PTDSS1: variants seen among roughly 807,000 people sequenced by gnomAD.
PTDSS1 encodes the protein PSS-1.
PTDSS1 carries 45 observed loss-of-function variants against 70.5 expected under a neutral mutation model. That is an observed-to-expected ratio of 0.64 (90% CI 0.50 to 0.82). PTDSS1 has a LOEUF of 0.82. PTDSS1 is among the 40% of genes least tolerant of loss of function. The pLI is 0.00. For synonymous variants in PTDSS1, 188 were observed against 203.8 expected (o/e 0.92, Z 0.66); for missense variants, 417 against 586.1 (o/e 0.71, Z 2.98).
chr8:96,309,586 A>C lies in PTDSS1; in HGVS notation c.1037A>C (p.Gln346Pro). Residue 346 changes from glutamine to proline, a missense_variant, in exon 9 of 13, where the codon CAG becomes CCG. Around this residue, in one of 3 missense-constraint regions of PTDSS1, gnomAD observed 272 missense variants for 429.5 expected, o/e 0.63. Transcript: ENST00000517309. ...RQYYAYLTDTQCKRVGTQCWV... is the reference protein window; with the variant it reads ...RQYYAYLTDTPCKRVGTQCWV... Reference sequence around the variant, plus strand: ...TACTACGCTTACCTCACCGACACACAGTGCAAGCGCGTAGGAACACAATGC... The same window carrying C: ...TACTACGCTTACCTCACCGACACACCGTGCAAGCGCGTAGGAACACAATGC... 1 of 1,614,002 alleles carries C rather than the reference A, an allele frequency of 6.2e-7. No individual in the cohort carries two copies. The highest frequency in any genetic ancestry group is 1.1e-5 in the South Asian group (1 of 91,066).
intron 3 of PTDSS1, 68 bp downstream of exon 3, chr8:96,284,221 A>C: frequency 7.0e-7 from 1 of 1,424,312 alleles, no homozygotes; most frequent in Non-Finnish European, 9.8e-7. Context: ...TATCACTTTA[A>C]GACTTTTACT....
intron 12 of PTDSS1, among the ~76,000 whole-genome samples, chr8:96,331,740 T>C (rs1811519121): frequency 6.6e-6 from 1 of 151,930 alleles, no homozygotes; most frequent in African/African-American, 2.4e-5. Context: ...TTGGCTTCCA[T>C]CATGAGTGAA....
chr8:96,289,029 G>A (rs1353209210), intron 4 of PTDSS1, among the ~76,000 whole-genome samples: 2 of 151,772 alleles, frequency 1.3e-5, no homozygotes, highest in Non-Finnish European at 2.9e-5. Flanking sequence ...CCACCTCCCT[G>A]GTTCAAGCAA....
Position 96,262,156 on chromosome 8 carries a change from G to A in PTDSS1, c.116G>A (p.Arg39Gln), listed in dbSNP as rs748448029. ...GACATCACCATTGACTTCTTCTACC[G>A]GCCGCATACCATCACCCTGCTCAGC... The part of the protein sequence containing the change: ...VEDITIDFFY[R>Q]PHTITLLSFT... The change falls in exon 1 of 13, where the codon CGG (arginine) becomes CAG (glutamine). Residue 39 changes from arginine to glutamine, a missense_variant. Physicochemically the swap from Arg to Gln is conservative, Grantham distance 43. This residue lies in a region of PTDSS1 where 272 missense variants were observed against 429.5 expected (regional missense o/e 0.63). Coordinates refer to ENST00000517309, the MANE Select transcript of PTDSS1 (RefSeq NM_014754.3). This position sits in a 1 kb window ranked among gnomAD's most constrained non-coding sequence, Gnocchi z 4.4. 1 of 1,613,906 alleles carries A rather than the reference G, an allele frequency of 6.2e-7. No homozygotes were observed. Among genetic ancestry groups the A allele is most frequent in the Non-Finnish European group, 8.5e-7 (1 of 1,179,826 alleles).
chr8:96,295,226 G>T lies in PTDSS1; in HGVS notation c.570G>T (p.Trp190Cys), dbSNP rs1434010070. Reference protein sequence around the residue: ...ALLIRSYGLCWTISITWELTE... With the variant: ...ALLIRSYGLCCTISITWELTE... The stretch of plus-strand genomic sequence containing the variant: ...TGATCCGTAGTTACGGTCTCTGCTG[G>T]ACAATCAGTATTACCTGGGAGCTGA... Residue 190 changes from tryptophan (W) to cysteine (C), a missense_variant, in exon 5 of 13, where the codon TGG becomes TGT. Trp to Cys is a radical substitution (Grantham distance 215). Transcript: ENST00000517309. The T allele has an allele frequency of 6.2e-7, 1 of 1,614,122 alleles. No individual in the cohort carries two copies. The highest frequency in any genetic ancestry group is 8.5e-7 in the Non-Finnish European group (1 of 1,180,000).
intron 1 of PTDSS1, among the ~76,000 whole-genome samples, chr8:96,268,654 A>T (rs1031201296): frequency 2.3e-4 from 33 of 144,310 alleles, no homozygotes; most frequent in Admixed American, 5.4e-4. Context: ...TTTTTTTTTT[A>T]AACTCAGGGC....
intron 8 of PTDSS1, among the ~76,000 whole-genome samples, chr8:96,308,487 A>T (rs974382381): frequency 1.3e-5 from 2 of 152,180 alleles, no homozygotes; most frequent in Non-Finnish European, 2.9e-5. Flanking sequence ...CCCCAAAAAG[A>T]TGATGAGTTC....
intron 9 of PTDSS1, among the ~76,000 whole-genome samples, chr8:96,314,483 T>C (rs925274305): frequency 4.3e-4 from 66 of 152,266 alleles, no homozygotes; most frequent in Middle Eastern, 3.4e-3. Flanking sequence ...CCTGCTGGTA[T>C]AGCTTTATAG....
At chr8:96,277,466 TCA>T (rs1810665024) in intron 2 of PTDSS1, among the ~76,000 whole-genome samples, 1 of 152,204 alleles carries the variant, frequency 6.6e-6, no homozygotes, top group Non-Finnish European at 1.5e-5. Context: ...CCCTTCACAC[TCA>T]GTCTTGTCCT....
intron 1 of PTDSS1, among the ~76,000 whole-genome samples, chr8:96,266,073 A>G (rs553170973): frequency 4.6e-5 from 7 of 152,266 alleles, no homozygotes; most frequent in Admixed American, 1.3e-4. Context: ...CTCTGCATTC[A>G]GGGGTTGGTA....
chr8:96,262,492 C>G lies in PTDSS1; in HGVS notation c.179+273C>G, dbSNP rs908187910. 6.6e-6 allele frequency among the ~76,000 whole-genome samples: 1 copy of G among 152,300 alleles called. No homozygotes were observed. The highest frequency in any genetic ancestry group is 3.4e-3 in the Middle Eastern group (1 of 294). On this transcript the variant is annotated intron_variant, in intron 1 of 12. Coordinates refer to ENST00000517309, the MANE Select transcript of PTDSS1 (RefSeq NM_014754.3). This position sits in a 1 kb window ranked among gnomAD's most constrained non-coding sequence, Gnocchi z 4.4. Reference sequence around the variant, plus strand: ...CACGCGAGTCACCTAGCACGATCGCCCCCTCACCCACCGCACTCAGCATCG... The same window carrying G: ...CACGCGAGTCACCTAGCACGATCGCGCCCTCACCCACCGCACTCAGCATCG...
chr8:96,331,048 G>A lies in PTDSS1; in HGVS notation c.1265G>A (p.Gly422Asp). The change falls in exon 12 of 13, where the codon GGC (glycine) becomes GAC (aspartate). Residue 422 changes from glycine to aspartate, a missense_variant. By Grantham distance (94) the Gly-to-Asp change is moderately conservative (BLOSUM62 -1). Transcript: ENST00000517309. Reference protein sequence around the residue: ...REKTYSECEDGTYSPEISWHH... With the variant: ...REKTYSECEDDTYSPEISWHH... ...TAGACCTACTCGGAGTGTGAAGATG[G>A]CACCTACAGTCCAGAGATCTCCTGG... 3 of 1,613,498 alleles carry A rather than the reference G, an allele frequency of 1.9e-6. No homozygotes were observed. The highest frequency in any genetic ancestry group is 2.5e-6 in the Non-Finnish European group (3 of 1,179,450).
chr8:96,294,801 A>G (rs1234568404), intron 4 of PTDSS1, among the ~76,000 whole-genome samples: 1 of 152,178 alleles, frequency 6.6e-6, no homozygotes, highest in Non-Finnish European at 1.5e-5. Context: ...CTGTGGTCTG[A>G]TGACATGATC....
chr8:96,273,316 A>C lies in PTDSS1; in HGVS notation c.197A>C (p.Glu66Ala). Residue 66 changes from glutamate to alanine, a missense_variant, in exon 2 of 13, where the codon GAA becomes GCA. Physicochemically the swap from Glu to Ala is moderately radical, Grantham distance 107 (BLOSUM62 -1). Coordinates refer to ENST00000517309, the MANE Select transcript of PTDSS1 (RefSeq NM_014754.3). ...FAFTRDDSVP[E>A]DNIWRGILSV... ...ATTTTCAGGGATGACTCTGTTCCAG[A>C]AGACAACATCTGGAGAGGCATCCTC... The C allele has an allele frequency of 6.2e-7, 1 of 1,609,578 alleles. No individual in the cohort carries two copies.
rs575032818 is a variant in PTDSS1, at chr8:96,290,549, C to T, written c.441+3403C>T. ...AAATCTTTCTTGCCAAAGTAAAGCA[C>T]GAGGCTGTGTTCAGCCTGTAGAGTT... On this transcript the variant is annotated intron_variant, in intron 4 of 12. Transcript: ENST00000517309. Among the ~76,000 whole-genome samples, 19 of 152,302 alleles carry T rather than the reference C, an allele frequency of 1.2e-4. No homozygotes were observed. In the South Asian group the frequency reaches 1.9e-3, roughly 15 times the overall value.
intron 5 of PTDSS1, 38 bp downstream of exon 5, chr8:96,295,294 C>G: frequency 6.3e-7 from 1 of 1,584,058 alleles, no homozygotes; most frequent in South Asian, 1.2e-5. Flanking sequence ...CAGACTGTGC[C>G]ATGTGTGTAG....
intron 1 of PTDSS1, among the ~76,000 whole-genome samples, chr8:96,271,958 T>C (rs1057402119): frequency 3.9e-5 from 6 of 152,192 alleles, no homozygotes; most frequent in African/African-American, 1.4e-4. Context: ...GATTTTTTAC[T>C]CTCTGAACAA....
chr8:96,279,029 A>G (rs188474077), intron 2 of PTDSS1, among the ~76,000 whole-genome samples: 16 of 135,336 alleles, frequency 1.2e-4, no homozygotes, highest in African/African-American at 4.6e-4. Flanking sequence ...GGAGTGCAGT[A>G]GCACAATCTT....
chr8:96,281,440 C>T (rs1165055295), intron 2 of PTDSS1, among the ~76,000 whole-genome samples: 1 of 152,084 alleles, frequency 6.6e-6, no homozygotes, highest in Admixed American at 6.5e-5. Flanking sequence ...GGCCTTATCT[C>T]ACCTTTTGTA....
Sources: allele counts gnomAD v4.1 joint callset (sites outside exome capture counted in the v4.1 genomes callset), GRCh38; gene constraint gnomAD v4.1.1; regional missense constraint gnomAD v4.1.1; non-coding constraint Gnocchi (gnomAD v3.1); transcripts MANE v1.5; gene names NCBI Gene and HGNC (gene_info 2026-07-23, HGNC 2026-07-21).